TXLNB: variants seen among roughly 807,000 people sequenced by gnomAD.
TXLNB encodes the protein beta-taxilin.
A neutral mutation model predicts 57.4 loss-of-function variants in TXLNB; 37 were observed. The ratio of observed to expected loss-of-function variants is 0.64; its 90% CI spans 0.50 to 0.85. The LOEUF is 0.85. Ranked by LOEUF, TXLNB falls within the 40% of genes least tolerant of loss-of-function variation. The pLI, the probability that TXLNB is intolerant of heterozygous loss-of-function variation, is 0.00. For synonymous variants in TXLNB, 302 were observed against 309.6 expected, an observed-to-expected ratio of 0.98 and a Z score of 0.26; for missense variants, 848 against 825.6, an observed-to-expected ratio of 1.03 and a Z score of -0.33.
chr6:139,252,654 T>A (rs1188874022), intron 7 of TXLNB, among the ~76,000 whole-genome samples: 2 of 152,160 alleles, frequency 1.3e-5, no homozygotes, highest in African/African-American at 4.8e-5. Flanking sequence ...AATAGCATCT[T>A]GAGATCATCT....
chr6:139,237,527 G>GAAAAGAAA, downstream of TXLNB: 3 of 137,882 alleles, frequency 2.2e-5, no homozygotes, highest in East Asian at 6.5e-4. Flanking sequence ...AAAAAAAAAA[G>GAAAAGAAA]AAAAGAAAAA....
chr6:139,191,481 C>T, the TXLNB span, among the ~76,000 whole-genome samples: 16 of 152,256 alleles, frequency 1.1e-4, no homozygotes, highest in South Asian at 2.1e-4. Flanking sequence ...TCAAGTTCTC[C>T]GTAGTCACAT....
the TXLNB span, among the ~76,000 whole-genome samples, chr6:139,193,825 TA>T: frequency 3.8e-3 from 232 of 61,008 alleles, 1 homozygote; most frequent in African/African-American, 0.014. Flanking sequence ...GGCTAATTTA[TA>T]TATATATATA....
chr6:139,256,491 AG>A (rs2114491396), intron 6 of TXLNB, among the ~76,000 whole-genome samples: 1 of 152,264 alleles, frequency 6.6e-6, no homozygotes, highest in South Asian at 2.1e-4. Flanking sequence ...CACCATGCCC[AG>A]CTAATTTTTG....
chr6:139,322,468 G>A, the TXLNB span, among the ~76,000 whole-genome samples: 3 of 152,134 alleles, frequency 2.0e-5, no homozygotes, highest in Non-Finnish European at 4.4e-5. Flanking sequence ...GAGCCTTCAT[G>A]AACTAAACAC....
chr6:139,207,069 A>T, the TXLNB span, among the ~76,000 whole-genome samples: 1 of 152,224 alleles, frequency 6.6e-6, no homozygotes, highest in African/African-American at 2.4e-5. Flanking sequence ...CAGTAGGCAG[A>T]TCATCAAGAC....
chr6:139,321,147 G>A, the TXLNB span, among the ~76,000 whole-genome samples: 4 of 152,138 alleles, frequency 2.6e-5, no homozygotes, highest in African/African-American at 4.8e-5. Context: ...GAAGTGCCCC[G>A]GGGTTCCGTC....
the TXLNB span, among the ~76,000 whole-genome samples, chr6:139,301,548 A>G: frequency 3.9e-5 from 6 of 152,226 alleles, no homozygotes; most frequent in East Asian, 1.2e-3. Context: ...GTCTGGAAAA[A>G]AGAGTAAGCT....
intron 1 of TXLNB, among the ~76,000 whole-genome samples, chr6:139,290,128 T>C (rs1328540422): frequency 2.6e-5 from 4 of 152,198 alleles, no homozygotes; most frequent in Non-Finnish European, 5.9e-5. Context: ...GGCTCATGTC[T>C]GTAATCCCAG....
At chr6:139,253,728 C>T (rs906346926) in intron 7 of TXLNB, among the ~76,000 whole-genome samples, 5 of 152,120 alleles carry the variant, frequency 3.3e-5, no homozygotes, top group East Asian at 1.9e-4. Flanking sequence ...TTAAAGGCCT[C>T]GATTCTGATG....
chr6:139,196,761 A>C, the TXLNB span, among the ~76,000 whole-genome samples: 1 of 152,192 alleles, frequency 6.6e-6, no homozygotes, highest in African/African-American at 2.4e-5. Context: ...AGGTAAATTA[A>C]AACCTCAGCC....
intron 7 of TXLNB, among the ~76,000 whole-genome samples, chr6:139,252,018 T>G (rs1191783350): frequency 6.6e-6 from 1 of 152,222 alleles, no homozygotes; most frequent in Non-Finnish European, 1.5e-5. Flanking sequence ...TCTTCATCCT[T>G]GTTGATCCAA....
chr6:139,193,989 C>T, the TXLNB span, among the ~76,000 whole-genome samples: 2 of 150,422 alleles, frequency 1.3e-5, no homozygotes, highest in African/African-American at 2.4e-5. Context: ...CTACAGGCGC[C>T]CGCCACCACG....
chr6:139,311,842 CT>C, the TXLNB span, among the ~76,000 whole-genome samples: 1 of 152,106 alleles, frequency 6.6e-6, no homozygotes, highest in African/African-American at 2.4e-5. Context: ...ACTCTCAGTT[CT>C]GGAAATCCGA....
At chr6:139,172,391 T>TTAC in the TXLNB span, among the ~76,000 whole-genome samples, 28 of 152,180 alleles carry the variant, frequency 1.8e-4, no homozygotes, top group Non-Finnish European at 3.7e-4. Flanking sequence ...CCTTTCTGGA[T>TTAC]TACTACTCCC....
At chr6:139,236,764 C>T (rs1401610170), downstream of TXLNB, among the ~76,000 whole-genome samples, 2 of 152,134 alleles carry the variant, frequency 1.3e-5, no homozygotes, top group East Asian at 3.9e-4. Context: ...GCCACCACAC[C>T]TGGCTAATTT....
At chr6:139,258,084 G>A (rs1375400721) in intron 6 of TXLNB, among the ~76,000 whole-genome samples, 1 of 152,148 alleles carries the variant, frequency 6.6e-6, no homozygotes, top group African/African-American at 2.4e-5. Context: ...CCAACCTCGA[G>A]GGAGGCTGGT....
the TXLNB span, chr6:139,174,313 A>G: frequency 6.7e-7 from 1 of 1,501,564 alleles, no homozygotes. Flanking sequence ...TAGATGAAAC[A>G]TTTTTATCTC....
chr6:139,196,364 GGTTTTTTTTT>G, the TXLNB span, among the ~76,000 whole-genome samples: 1 of 86,770 alleles, frequency 1.2e-5, no homozygotes. Context: ...CTCCAGATCT[GGTTTTTTTTT>G]TTTTTTTTTT....
Sources: allele counts gnomAD v4.1 joint callset (sites outside exome capture counted in the v4.1 genomes callset), GRCh38; gene constraint gnomAD v4.1.1; transcripts MANE v1.5; gene names NCBI Gene and HGNC (gene_info 2026-07-23, HGNC 2026-07-21).